PTK2: variants seen among roughly 807,000 people sequenced by gnomAD.
PTK2 encodes protein tyrosine kinase 2.
Under a neutral mutation model 150.1 loss-of-function variants are expected in PTK2, and 45 were observed. The observed-to-expected ratio is 0.30, with a 90% confidence interval of 0.24 to 0.38. The LOEUF (loss-of-function observed/expected upper bound fraction) is 0.38. Among genes scored for constraint, PTK2 ranks in the 10% least tolerant of loss-of-function variants. PTK2 has a pLI of 1.00. For missense variants in PTK2, 919 were observed against 1,307.3 expected (o/e 0.70, Z 4.58); for synonymous variants, 432 against 449.2 (o/e 0.96, Z 0.48).
intron 5 of PTK2, among the ~76,000 whole-genome samples, chr8:140,858,771 A>G (rs909910733): frequency 3.9e-5 from 6 of 152,350 alleles, no homozygotes; most frequent in African/African-American, 1.4e-4. Context: ...GTGCCAAACA[A>G]TTACAGAAGA....
chr8:140,964,547 ATTTTTTTTTTTTTT>A (rs1025644210), intron 1 of PTK2, among the ~76,000 whole-genome samples: 4 of 76,818 alleles, frequency 5.2e-5, no homozygotes, highest in African/African-American at 1.2e-4. Flanking sequence ...GCCCCAGGTA[ATTTTTTTTTTTTTT>A]TTTTTTTTTT....
At chr8:140,812,081 AG>A (rs1386663289) in intron 10 of PTK2, among the ~76,000 whole-genome samples, 1 of 152,224 alleles carries the variant, frequency 6.6e-6, no homozygotes, top group Non-Finnish European at 1.5e-5. Flanking sequence ...CTACACGAGA[AG>A]ATCATTCCCA....
rs1176787447 is a variant in PTK2, at chr8:140,820,618, A to G, written c.649-1598T>C. The G allele has an allele frequency of 5.3e-5, 8 of 150,512 alleles. No individual in the cohort carries two copies. In the South Asian group the frequency reaches 6.3e-4, roughly 12 times the overall value. The allele number at this position is 150,512 out of a possible 1,614,324, so 9.3% of individuals were successfully genotyped here. A position where few individuals can be genotyped will look rare whatever the true frequency, so the allele number is the denominator to read the frequency against. On this transcript the variant is annotated intron_variant, in intron 8 of 31. Coordinates refer to ENST00000522684, the Ensembl canonical transcript of PTK2. ...TTTTTTCCAGAGTAACTGGACTCCAATGGATTTACTTTAAACATAGAACCA... is the reference window on the plus strand; with the variant it reads ...TTTTTTCCAGAGTAACTGGACTCCAGTGGATTTACTTTAAACATAGAACCA...
chr8:140,863,674 G>A (rs1345139682), intron 5 of PTK2, among the ~76,000 whole-genome samples: 1 of 152,128 alleles, frequency 6.6e-6, no homozygotes, highest in African/African-American at 2.4e-5. Flanking sequence ...GCACAGTCAC[G>A]TCATTTGTGC....
At chr8:140,999,302 T>C (rs1489550158) in intron 1 of PTK2, among the ~76,000 whole-genome samples, 2 of 152,270 alleles carry the variant, frequency 1.3e-5, no homozygotes, top group African/African-American at 4.8e-5. Flanking sequence ...GCATGTGTTT[T>C]AAATAATCTG....
intron 29 of PTK2, among the ~76,000 whole-genome samples, chr8:140,671,160 A>G (rs1253858067): frequency 6.6e-6 from 1 of 152,210 alleles, no homozygotes; most frequent in Non-Finnish European, 1.5e-5. Flanking sequence ...CCTAGGAAAA[A>G]TTGAGACTGA....
intron 2 of PTK2, among the ~76,000 whole-genome samples, chr8:140,913,863 G>C (rs2100164170): frequency 6.6e-6 from 1 of 152,074 alleles, no homozygotes; most frequent in African/African-American, 2.4e-5. Flanking sequence ...CTATCCACAA[G>C]CCAACAAATT....
At chr8:140,944,231 T>A (rs2100176875) in intron 1 of PTK2, among the ~76,000 whole-genome samples, 1 of 152,216 alleles carries the variant, frequency 6.6e-6, no homozygotes, top group Non-Finnish European at 1.5e-5. Flanking sequence ...CTTCCCTCAG[T>A]ATAAGCCAGC....
intron 1 of PTK2, among the ~76,000 whole-genome samples, chr8:140,983,497 T>C (rs886934354): frequency 3.9e-5 from 6 of 152,078 alleles, no homozygotes; most frequent in Middle Eastern, 3.2e-3. Context: ...GTTTTCCAAG[T>C]CCTTGTTGAA....
At chr8:140,960,187 CTTTTTTTTTTTTTTTT>C (rs371999950) in intron 1 of PTK2, among the ~76,000 whole-genome samples, 7 of 72,350 alleles carry the variant, frequency 9.7e-5, no homozygotes, top group African/African-American at 1.2e-4. Context: ...CAATTTTAAA[CTTTTTTTTTTTTTTTT>C]TTTTTTTTTT....
chr8:140,993,414 C>T (rs2100196478), intron 1 of PTK2, among the ~76,000 whole-genome samples: 1 of 152,210 alleles, frequency 6.6e-6, no homozygotes, highest in South Asian at 2.1e-4. Flanking sequence ...CACCTGGGTT[C>T]TTTCATTTAC....
chr8:140,702,597 C>G lies in PTK2; in HGVS notation c.2340G>C (p.Glu780Asp), dbSNP rs756799160. ...CCACATTGGGCTGCCACATTGCTATCTCCTGAGGTCTATGATTCCATGAAT... is the reference window on the plus strand; with the variant it reads ...CCACATTGGGCTGCCACATTGCTATGTCCTGAGGTCTATGATTCCATGAAT... The change falls in exon 25 of 32, where the codon GAG becomes GAC. Residue 780 changes from glutamate (E) to aspartate (D), a missense_variant. By Grantham distance (45) the Glu-to-Asp change is conservative (BLOSUM62 2). This residue lies in a region of PTK2 where 258 missense variants were observed against 265.4 expected (regional missense o/e 0.97). Coordinates refer to ENST00000522684, the Ensembl canonical transcript of PTK2. 6 of 1,613,916 alleles carry G rather than the reference C, an allele frequency of 3.7e-6. No homozygotes were observed. In the East Asian group the frequency reaches 8.9e-5, roughly 24 times the overall value.
intron 2 of PTK2, among the ~76,000 whole-genome samples, chr8:140,900,999 C>A (rs1453734306): frequency 6.6e-6 from 1 of 152,124 alleles, no homozygotes; most frequent in African/African-American, 2.4e-5. Context: ...CACTACCTGA[C>A]TTCAAAAATT....
intron 14 of PTK2, among the ~76,000 whole-genome samples, chr8:140,780,404 G>T (rs1228522557): frequency 6.6e-6 from 1 of 152,052 alleles, no homozygotes. Context: ...GTTGTGGGGA[G>T]GGGGGGAATC....
intron 15 of PTK2, 49 bp from the exon 18 acceptor site, chr8:140,762,437 A>AAT: frequency 1.0e-6 from 1 of 996,476 alleles, no homozygotes. Context: ...GCTTAGAAAT[A>AAT]ACTAACAGCA....
chr8:140,785,972 A>G (rs1185979487), intron 14 of PTK2, among the ~76,000 whole-genome samples: 2 of 152,184 alleles, frequency 1.3e-5, no homozygotes, highest in African/African-American at 4.8e-5. Context: ...CTCTCAATTC[A>G]TCTGCTTTAT....
Position 140,732,145 on chromosome 8 carries a change from C to A in PTK2, c.2030+3106G>T, listed in dbSNP as rs964916873. 2.0e-5 allele frequency among the ~76,000 whole-genome samples: 3 copies of A among 152,070 alleles called. No individual in the cohort carries two copies. The East Asian group carries it at 5.8e-4, about 29-fold the overall frequency. On this transcript the variant is annotated intron_variant, in intron 22 of 31. Transcript: ENST00000522684. ...TAAAAATTTTGAAAAAAATTAATAACCTATTTAGTTATTGTGATACACTGT... is the reference window on the plus strand; with the variant it reads ...TAAAAATTTTGAAAAAAATTAATAAACTATTTAGTTATTGTGATACACTGT...
At chr8:140,912,838 C>T (rs940991326) in intron 2 of PTK2, among the ~76,000 whole-genome samples, 1 of 151,876 alleles carries the variant, frequency 6.6e-6, no homozygotes, top group Non-Finnish European at 1.5e-5. Context: ...CCCAGTTACT[C>T]GGGAGGCTGA....
At chr8:140,937,760 A>G (rs2100174177) in intron 1 of PTK2, among the ~76,000 whole-genome samples, 1 of 152,172 alleles carries the variant, frequency 6.6e-6, no homozygotes, top group Admixed American at 6.5e-5. Flanking sequence ...TACAACACAT[A>G]TTTACTACAA....
Sources: allele counts gnomAD v4.1 joint callset (sites outside exome capture counted in the v4.1 genomes callset), GRCh38; gene constraint gnomAD v4.1.1; regional missense constraint gnomAD v4.1.1; transcripts MANE v1.5; gene names NCBI Gene and HGNC (gene_info 2026-07-23, HGNC 2026-07-21).